BRINP3: variants seen among roughly 807,000 people sequenced by gnomAD.
BRINP3 encodes the protein BMP/retinoic acid-inducible neural-specific protein 3.
A neutral mutation model predicts 71.0 loss-of-function variants in BRINP3; 19 were observed. The observed-to-expected ratio is 0.27, with a 90% CI of 0.19 to 0.39. The LOEUF (loss-of-function observed/expected upper bound fraction) is 0.39. Ranked by LOEUF, BRINP3 falls within the 10% of genes least tolerant of loss-of-function variation. The pLI, the probability that BRINP3 is intolerant of heterozygous loss-of-function variation, is 1.00. For missense variants in BRINP3, 959 were observed against 940.8 expected, an observed-to-expected ratio of 1.02 and a Z score of -0.25; for synonymous variants, 380 against 337.7, an observed-to-expected ratio of 1.13 and a Z score of -1.37.
intron 2 of BRINP3, among the ~76,000 whole-genome samples, chr1:190,308,785 T>C (rs80140055): frequency 0.023 from 3,468 of 152,098 alleles, 54 homozygotes; most frequent in Non-Finnish European, 0.037. Context: ...TTAGACTTTA[T>C]AGCATTGCCA....
intron 7 of BRINP3, among the ~76,000 whole-genome samples, chr1:190,153,099 C>G (rs1016464956): frequency 6.6e-6 from 1 of 152,052 alleles, no homozygotes; most frequent in Non-Finnish European, 1.5e-5. Flanking sequence ...ATTTTCCCTA[C>G]TTTGAAACTT....
chr1:190,361,141 CA>C (rs1192880443), intron 2 of BRINP3, among the ~76,000 whole-genome samples: 1 of 151,692 alleles, frequency 6.6e-6, no homozygotes, highest in Non-Finnish European at 1.5e-5. Context: ...TTGACAGGGA[CA>C]AGCAGGAATA....
intron 2 of BRINP3, among the ~76,000 whole-genome samples, chr1:190,419,939 C>G (rs1415522771): frequency 6.6e-6 from 1 of 151,666 alleles, no homozygotes; most frequent in Admixed American, 6.6e-5. Flanking sequence ...ATTTGTTTTT[C>G]TTGAGAGGTT....
chr1:190,335,215 G>T (rs894010085), intron 2 of BRINP3, among the ~76,000 whole-genome samples: 1 of 151,736 alleles, frequency 6.6e-6, no homozygotes, highest in African/African-American at 2.4e-5. Flanking sequence ...AATAGAAGCA[G>T]AAATCAACAG....
At chr1:190,293,523 T>A (rs1470195417) in intron 2 of BRINP3, among the ~76,000 whole-genome samples, 1 of 152,196 alleles carries the variant, frequency 6.6e-6, no homozygotes, top group Non-Finnish European at 1.5e-5. Flanking sequence ...TCTGGAAATG[T>A]CAGCTTGATC....
intron 7 of BRINP3, among the ~76,000 whole-genome samples, chr1:190,158,903 G>A (rs1306154761): frequency 1.3e-5 from 2 of 151,078 alleles, no homozygotes; most frequent in African/African-American, 2.4e-5. Context: ...AAAGAGAAAG[G>A]ACTGCCTAGG....
intron 2 of BRINP3, among the ~76,000 whole-genome samples, chr1:190,343,698 AG>A (rs1398960494): frequency 6.6e-6 from 1 of 151,378 alleles, no homozygotes; most frequent in African/African-American, 2.4e-5. Context: ...AACATAGACC[AG>A]GGAGAGTACG....
At chr1:190,194,110 G>A (rs1022723758) in intron 6 of BRINP3, among the ~76,000 whole-genome samples, 5 of 152,058 alleles carry the variant, frequency 3.3e-5, no homozygotes, top group Non-Finnish European at 7.4e-5. Context: ...GAATTATCCA[G>A]ATGTTCCCTG....
At chr1:190,110,650 C>A (rs1372417688) in intron 7 of BRINP3, among the ~76,000 whole-genome samples, 1 of 151,988 alleles carries the variant, frequency 6.6e-6, no homozygotes, top group Non-Finnish European at 1.5e-5. Context: ...CTGAAGTGAC[C>A]TGAATCAGGA....
chr1:190,464,650 G>A (rs1489551909), intron 1 of BRINP3, among the ~76,000 whole-genome samples: 1 of 151,784 alleles, frequency 6.6e-6, no homozygotes, highest in Non-Finnish European at 1.5e-5. Context: ...GCACTAGCAG[G>A]AGATTTCCAT....
chr1:190,260,818 A>T (rs1558120661), intron 4 of BRINP3, among the ~76,000 whole-genome samples: 1 of 152,026 alleles, frequency 6.6e-6, no homozygotes, highest in Non-Finnish European at 1.5e-5. Context: ...TTCAAGATGG[A>T]TTTTTTTAAG....
chr1:190,187,154 A>T, intron 6 of BRINP3, among the ~76,000 whole-genome samples: 1 of 152,050 alleles, frequency 6.6e-6, no homozygotes, highest in South Asian at 2.1e-4. Flanking sequence ...TCATATGCCT[A>T]TTGGCCATTC....
chr1:190,444,370 A>G (rs995425288), intron 2 of BRINP3, among the ~76,000 whole-genome samples: 7 of 151,234 alleles, frequency 4.6e-5, no homozygotes, highest in East Asian at 1.9e-4. Context: ...TTTACAAACC[A>G]TTCACTGGTA....
Position 190,281,750 on chromosome 1 carries a change from C to T in BRINP3, c.237G>A (p.Arg79=), listed in dbSNP as rs781421882. 3 of 1,601,332 alleles carry T rather than the reference C, an allele frequency of 1.9e-6. No individual in the cohort carries two copies. The highest frequency in any genetic ancestry group is 3.5e-5 in the Admixed American group (2 of 56,388). ...TATTTACTTTCCAGCGGCCAAACTCCCTGAAAAGCAAATTTATTTTTATTC... is the reference window on the plus strand; with the variant it reads ...TATTTACTTTCCAGCGGCCAAACTCTCTGAAAAGCAAATTTATTTTTATTC... ...QGFSTRYKIY[R]EFGRWKVNNL... is the part of the protein sequence containing the mutation. Residue 79 remains arginine (R), a splice_region_variant and synonymous_variant, in exon 3 of 8, where the codon AGG becomes AGA. Transcript: ENST00000367462.
chr1:190,343,062 A>G lies in BRINP3; in HGVS notation c.237-61312T>C, dbSNP rs1423703089. Among the ~76,000 whole-genome samples, 6 of 151,808 alleles carry G rather than the reference A, an allele frequency of 4.0e-5. No homozygotes were observed. In the Admixed American group the frequency reaches 4.0e-4, roughly 10 times the overall value. On this transcript the variant is annotated intron_variant, in intron 2 of 7. Coordinates refer to ENST00000367462, the MANE Select transcript of BRINP3 (RefSeq NM_199051.3). ...TAGCCATTAAATGTATCTAGGAAAAATATCTACCATCAATCAAAGTACAGG... is the reference window on the plus strand; with the variant it reads ...TAGCCATTAAATGTATCTAGGAAAAGTATCTACCATCAATCAAAGTACAGG...
intron 7 of BRINP3, among the ~76,000 whole-genome samples, chr1:190,159,624 G>A (rs1657169581): frequency 6.6e-6 from 1 of 151,962 alleles, no homozygotes; most frequent in South Asian, 2.1e-4. Flanking sequence ...GTCCAAAATA[G>A]GCAAATCTAT....
At chr1:190,454,179 C>T (rs180976998) in intron 2 of BRINP3, among the ~76,000 whole-genome samples, 1 of 152,232 alleles carries the variant, frequency 6.6e-6, no homozygotes, top group African/African-American at 2.4e-5. Context: ...TGTTTTTATT[C>T]CATTGCTGTT....
intron 2 of BRINP3, among the ~76,000 whole-genome samples, chr1:190,370,903 T>G (rs377682536): frequency 6.6e-6 from 1 of 152,204 alleles, no homozygotes; most frequent in South Asian, 2.1e-4. Context: ...AATTTTAATT[T>G]AATAATTTTA....
intron 6 of BRINP3, among the ~76,000 whole-genome samples, chr1:190,193,236 TA>T (rs921100993): frequency 2.0e-5 from 3 of 151,010 alleles, no homozygotes; most frequent in Non-Finnish European, 3.0e-5. Flanking sequence ...TTTGTGATAT[TA>T]AAAAAAAATA....
Sources: gnomAD v4.1 joint callset for allele counts (sites outside exome capture counted in the v4.1 genomes callset) on GRCh38, gnomAD v4.1.1 for gene constraint, MANE v1.5 for transcripts, NCBI Gene and HGNC (gene_info 2026-07-23, HGNC 2026-07-21) for gene names.